Variants in PVR observed in about 807,000 individuals in gnomAD.
PVR encodes PVR cell adhesion molecule, also known as poliovirus receptor.
A neutral mutation model predicts 43.3 loss-of-function variants in PVR; 39 were observed. The observed-to-expected ratio is 0.90, with a 90% CI of 0.70 to 1.18. The LOEUF is 1.18. PVR is among the 50% of genes most tolerant of loss of function. The pLI, the probability that PVR is intolerant of heterozygous loss-of-function variation, is 0.00. For synonymous variants in PVR, 224 were observed against 233.2 expected, an observed-to-expected ratio of 0.96 and a Z score of 0.36; for missense variants, 480 against 549.7, an observed-to-expected ratio of 0.87 and a Z score of 1.27.
chr19:44,661,904 CAA>C lies in PVR; in HGVS notation c.*95_*96del. On this transcript the variant is annotated 3_prime_UTR_variant, in exon 8 of 8. Coordinates refer to ENST00000425690, the MANE Select transcript of PVR (RefSeq NM_006505.5). ...GACCCCAATGGATGAAGACCCCCTC[CAA>C]AGAGACCAGCCTCCCTCCCTGTGCC... The C allele has an allele frequency of 8.5e-7, 1 of 1,173,258 alleles. No individual in the cohort carries two copies. Among genetic ancestry groups the C allele is most frequent in the Non-Finnish European group, 1.2e-6 (1 of 802,338 alleles). 72.7% of individuals were successfully genotyped at this position (1,173,258 alleles called of 1,614,324 possible).
At chr19:44,655,395 C>A (rs1357256370) in intron 4 of PVR, among the ~76,000 whole-genome samples, 2 of 152,234 alleles carry the variant, frequency 1.3e-5, no homozygotes, top group South Asian at 2.1e-4. Context: ...AGCCTTAGGT[C>A]TTTTTCCTTA....
At chr19:44,653,806 C>T (rs1217699164) in intron 3 of PVR, 94 bp from the exon 4 acceptor site, 1 of 834,324 alleles carries the variant, frequency 1.2e-6, no homozygotes, top group African/African-American at 1.7e-5. Flanking sequence ...TTCCAAATAT[C>T]CCCGGGCCTT....
At chr19:44,646,379 T>C (rs1362961882) in intron 1 of PVR, among the ~76,000 whole-genome samples, 1 of 152,148 alleles carries the variant, frequency 6.6e-6, no homozygotes, top group Admixed American at 6.6e-5. Flanking sequence ...TTCTCCCCGT[T>C]TTCTACATTG....
chr19:44,644,207 T>G, intron 1 of PVR, 32 bp downstream of exon 1: 1 of 1,450,330 alleles, frequency 6.9e-7, no homozygotes, highest in Non-Finnish European at 9.0e-7. Flanking sequence ...CGGTGGCCCC[T>G]GTCTGGCTCC....
At chr19:44,648,581 G>T (rs1444216870) in intron 2 of PVR, among the ~76,000 whole-genome samples, 1 of 151,980 alleles carries the variant, frequency 6.6e-6, no homozygotes, top group Non-Finnish European at 1.5e-5. Context: ...GGAACTCCTG[G>T]GCTCAAGGGA....
chr19:44,647,088 C>G, intron 1 of PVR, 135 bp from the exon 2 acceptor site: 1 of 453,750 alleles, frequency 2.2e-6, no homozygotes, highest in South Asian at 3.5e-5. Context: ...CCCCCTCCCC[C>G]CACACCCCAC....
At chr19:44,654,875 C>A (rs918132506) in intron 4 of PVR, among the ~76,000 whole-genome samples, 1 of 152,092 alleles carries the variant, frequency 6.6e-6, no homozygotes, top group Non-Finnish European at 1.5e-5. Context: ...ACTGTAACCA[C>A]CTCACCGTCA....
Position 44,657,854 on chromosome 19 carries a change from G to A in PVR, c.935G>A (p.Cys312Tyr). 6.2e-7 allele frequency: 1 copy of A among 1,613,928 alleles called. No homozygotes were observed. Among genetic ancestry groups the A allele is most frequent in the Non-Finnish European group, 8.5e-7 (1 of 1,179,924 alleles). ...AAACCAATCAACACAACTTTAATCT[G>A]CAACGTCACCAATGCCCTAGGAGCT... ...VDKPINTTLI[C>Y]NVTNALGARQ... The change falls in exon 5 of 8, where the codon TGC becomes TAC. Residue 312 changes from cysteine to tyrosine, a missense_variant. By Grantham distance (194) the Cys-to-Tyr change is radical. Coordinates refer to ENST00000425690, the MANE Select transcript of PVR (RefSeq NM_006505.5).
At position 44,665,459 on chromosome 19, in the gene PVR, G is replaced by C. The variant is rs1568510620; in HGVS notation, c.*3648G>C. 6.6e-6 allele frequency: 1 copy of C among 152,046 alleles called. No homozygotes were observed. The highest frequency in any genetic ancestry group is 2.4e-5 in the African/African-American group (1 of 41,356). 9.4% of individuals were successfully genotyped at this position (152,046 alleles called of 1,614,324 possible). A position where few individuals can be genotyped will look rare whatever the true frequency, so the allele number is the denominator to read the frequency against. On this transcript the variant is annotated 3_prime_UTR_variant, in exon 8 of 8. Transcript: ENST00000425690. ...GTAAGGAGTTCAAGACCAGACCATAGTGAAACCGTGTCTCTACAAAAAAAA... is the reference window on the plus strand; with the variant it reads ...GTAAGGAGTTCAAGACCAGACCATACTGAAACCGTGTCTCTACAAAAAAAA...
chr19:44,648,292 C>T (rs1279926757), intron 2 of PVR, among the ~76,000 whole-genome samples: 1 of 152,112 alleles, frequency 6.6e-6, no homozygotes, highest in Non-Finnish European at 1.5e-5. Context: ...GTTACTTTAT[C>T]TGGTGAAGAA....
In PVR at chr19:44,661,336, T is replaced by C. The variant is rs772806974; in HGVS notation, c.1182+13T>C. 8.1e-6 allele frequency: 13 copies of C among 1,613,516 alleles called. No homozygotes were observed. Among genetic ancestry groups the C allele is most frequent in the Non-Finnish European group, 1.0e-5 (12 of 1,179,556 alleles). ...CTCAGCTAATGGGGTAAGTGCAGTG[T>C]TGGAGCTAAGGAGGGTGTGGGGTCT... On this transcript the variant is annotated intron_variant, in intron 7 of 7. Transcript: ENST00000425690.
At chr19:44,654,142 C>T (rs991571857) in intron 4 of PVR, 125 bp downstream of exon 4, 32 of 712,806 alleles carry the variant, frequency 4.5e-5, no homozygotes, top group Non-Finnish European at 6.9e-5. Flanking sequence ...ACCCCTGGGT[C>T]TGAGGGACGA....
rs1270041687 is a variant in PVR, at chr19:44,649,995, T to A, written c.614T>A (p.Leu205His). 1 of 1,607,164 alleles carries A rather than the reference T, an allele frequency of 6.2e-7. No homozygotes were observed. The highest frequency in any genetic ancestry group is 8.5e-7 in the Non-Finnish European group (1 of 1,175,694). ...TCTGGCACAGTCACTGTCACCAGCC[T>A]CTGGATATTGGTGCCCTCAAGCCAG... ...FLSGTVTVTS[L>H]WILVPSSQVD... Residue 205 changes from leucine to histidine, a missense_variant, in exon 3 of 8, where the codon CTC becomes CAC. Coordinates refer to ENST00000425690, the MANE Select transcript of PVR (RefSeq NM_006505.5).
Position 44,664,609 on chromosome 19 carries a change from G to C in PVR, c.*2798G>C, listed in dbSNP as rs894602397. ...ATATTCCATGGGAGGGCTGTACAGG[G>C]CTTTTTTAACGAGGCCTCTAAGGAC... On this transcript the variant is annotated 3_prime_UTR_variant, in exon 8 of 8. Coordinates refer to ENST00000425690, the MANE Select transcript of PVR (RefSeq NM_006505.5). The C allele has an allele frequency of 3.3e-5, 5 of 152,010 alleles. No homozygotes were observed. The highest frequency in any genetic ancestry group is 1.2e-4 in the African/African-American group (5 of 41,396). The allele number at this position is 152,010 out of a possible 1,614,324, so 9.4% of individuals were successfully genotyped here. A position where few individuals can be genotyped will look rare whatever the true frequency, so the allele number is the denominator to read the frequency against.
chr19:44,645,006 A>T lies in PVR; in HGVS notation c.79+831A>T, dbSNP rs779823287. Reference sequence around the variant, plus strand: ...TACATATTATAGTAATATATAATAAAAATATATAATATATATTATAGTAAT... The same window carrying T: ...TACATATTATAGTAATATATAATAATAATATATAATATATATTATAGTAAT... On this transcript the variant is annotated intron_variant, in intron 1 of 7. Coordinates refer to ENST00000425690, the MANE Select transcript of PVR (RefSeq NM_006505.5). Among the ~76,000 whole-genome samples the T allele has an allele frequency of 6.9e-5, 8 of 115,394 alleles. No homozygotes were observed. In the East Asian group the frequency reaches 9.4e-4, roughly 14 times the overall value. 75.7% of individuals were successfully genotyped at this position (115,394 alleles called of 152,430 possible).
In PVR at chr19:44,654,199, G is replaced by A. The variant is rs1401226243; in HGVS notation, c.842+182G>A. ...TGGGTCTGAGGGAAGAGGGGCTGGG[G>A]GTCTGGACCCCTGGGACTGAGAGAG... On this transcript the variant is annotated intron_variant, in intron 4 of 7. Coordinates refer to ENST00000425690, the MANE Select transcript of PVR (RefSeq NM_006505.5). Among the ~76,000 whole-genome samples the A allele has an allele frequency of 2.1e-3, 320 of 149,938 alleles. 1 individual carries two copies. The highest frequency in any genetic ancestry group is 7.2e-3 in the African/African-American group (286 of 39,902).
rs1489706073 is a variant in PVR at position 44,663,814 on chromosome 19, G to T, written c.*2003G>T. 6.6e-6 allele frequency among the ~76,000 whole-genome samples: 1 copy of T among 152,032 alleles called. No homozygotes were observed. Among genetic ancestry groups the T allele is most frequent in the Non-Finnish European group, 1.5e-5 (1 of 67,996 alleles). The stretch of plus-strand genomic sequence containing the variant: ...CTGTCACCCAGGCTGGAGTGCAATG[G>T]CACGATCATAGCTCATTGCAGCCTC... On this transcript the variant is annotated 3_prime_UTR_variant, in exon 8 of 8. Transcript: ENST00000425690.
In PVR at chr19:44,663,782, G is replaced by T. The variant is rs1444298288; in HGVS notation, c.*1971G>T. Among the ~76,000 whole-genome samples the T allele has an allele frequency of 6.6e-6, 1 of 151,958 alleles. No homozygotes were observed. The highest frequency in any genetic ancestry group is 2.4e-5 in the African/African-American group (1 of 41,356). ...CTCCAAAAAAAATGTTTAAGGGACGGTGTCTCCTGTCACCCAGGCTGGAGT... is the reference window on the plus strand; with the variant it reads ...CTCCAAAAAAAATGTTTAAGGGACGTTGTCTCCTGTCACCCAGGCTGGAGT... On this transcript the variant is annotated 3_prime_UTR_variant, in exon 8 of 8. Coordinates refer to ENST00000425690, the MANE Select transcript of PVR (RefSeq NM_006505.5).
Position 44,661,881 on chromosome 19 carries a change from C to A in PVR, c.*70C>A, listed in dbSNP as rs1973601788. ...CGTGGGCCTCCAGAGTTGGACCCGA[C>A]CCCAATGGATGAAGACCCCCTCCAA... On this transcript the variant is annotated 3_prime_UTR_variant, in exon 8 of 8. Coordinates refer to ENST00000425690, the MANE Select transcript of PVR (RefSeq NM_006505.5). The A allele has an allele frequency of 2.1e-6, 3 of 1,421,600 alleles. No individual in the cohort carries two copies. Among genetic ancestry groups the A allele is most frequent in the Non-Finnish European group, 3.0e-6 (3 of 1,011,660 alleles). 88.1% of individuals were successfully genotyped at this position (1,421,600 alleles called of 1,614,324 possible).
Sources: allele counts gnomAD v4.1 joint callset (sites outside exome capture counted in the v4.1 genomes callset), GRCh38; gene constraint gnomAD v4.1.1; transcripts MANE v1.5; gene names NCBI Gene and HGNC (gene_info 2026-07-23, HGNC 2026-07-21).